Variants in MEOX1 observed in about 807,000 individuals in gnomAD.
MEOX1 encodes the protein homeobox protein MOX-1.
A neutral mutation model predicts 23.2 loss-of-function variants in MEOX1; 17 were observed. The ratio of observed to expected loss-of-function variants is 0.73; its 90% CI spans 0.50 to 1.10. The LOEUF is 1.10. MEOX1 is among the 50% of genes least tolerant of loss of function. The pLI is 0.00. For missense variants in MEOX1, 333 were observed against 332.2 expected, an observed-to-expected ratio of 1.00 and a Z score of -0.02; for synonymous variants, 134 against 135.1, an observed-to-expected ratio of 0.99 and a Z score of 0.06.
At chr17:43,646,438 T>C (rs993213281) in intron 1 of MEOX1, among the ~76,000 whole-genome samples, 3 of 152,162 alleles carry the variant, frequency 2.0e-5, no homozygotes, top group Admixed American at 1.3e-4. Context: ...GGGACTGGTT[T>C]CCCAATCTTC....
Position 43,641,729 on chromosome 17 carries a change from A to G in MEOX1, c.*181T>C. On this transcript the variant is annotated 3_prime_UTR_variant, in exon 3 of 3. Transcript: ENST00000318579. ...AGGGAAGAGGCTGCTAAGAGGCTGG[A>G]CAGAACTTCCTAGAAAATCCTAAGA... 1.6e-6 allele frequency: 1 copy of G among 613,100 alleles called. No homozygotes were observed. The highest frequency in any genetic ancestry group is 2.8e-6 in the Non-Finnish European group (1 of 360,982). 38.0% of individuals were successfully genotyped at this position (613,100 alleles called of 1,614,324 possible).
Position 43,647,465 on chromosome 17 carries a change from C to A in MEOX1, c.470-3805G>T, listed in dbSNP as rs376530582. 2.0e-4 allele frequency among the ~76,000 whole-genome samples: 31 copies of A among 152,282 alleles called. No individual in the cohort carries two copies. The East Asian group carries it at 5.6e-3, about 27-fold the overall frequency. On this transcript the variant is annotated intron_variant, in intron 1 of 2. Coordinates refer to ENST00000318579, the MANE Select transcript of MEOX1 (RefSeq NM_004527.4). ...TTAGGTGACAGAAGGGAGATTTGAA[C>A]CCAGATCCATCTGATTAGAGCCAAG... is the stretch of plus-strand genomic sequence containing the variant.
chr17:43,641,726 TG>T lies in MEOX1; in HGVS notation c.*183del. On this transcript the variant is annotated 3_prime_UTR_variant, in exon 3 of 3. Transcript: ENST00000318579. ...CCTAGGGAAGAGGCTGCTAAGAGGCTGGACAGAACTTCCTAGAAAATCCTAA... is the reference window on the plus strand; with the variant it reads ...CCTAGGGAAGAGGCTGCTAAGAGGCTGACAGAACTTCCTAGAAAATCCTAA... 1.7e-6 allele frequency: 1 copy of T among 598,126 alleles called. No homozygotes were observed. The highest frequency in any genetic ancestry group is 2.9e-6 in the Non-Finnish European group (1 of 349,368). The allele number at this position is 598,126 out of a possible 1,614,324, so 37.1% of individuals were successfully genotyped here. A position where few individuals can be genotyped will look rare whatever the true frequency, so the allele number is the denominator to read the frequency against.
chr17:43,656,688 G>A (rs1005228069), intron 1 of MEOX1, among the ~76,000 whole-genome samples: 3 of 152,100 alleles, frequency 2.0e-5, no homozygotes, highest in African/African-American at 4.8e-5. Context: ...TTTCCCAGGC[G>A]GGCGATCGGA....
chr17:43,660,399 A>G (rs1973114376), intron 1 of MEOX1, among the ~76,000 whole-genome samples: 1 of 152,172 alleles, frequency 6.6e-6, no homozygotes, highest in Admixed American at 6.5e-5. Flanking sequence ...CTGGGGGGTC[A>G]GCCAGATCTC....
intron 2 of MEOX1, 93 bp from the exon 3 acceptor site, chr17:43,642,125 G>T: frequency 2.2e-6 from 3 of 1,393,190 alleles, no homozygotes; most frequent in East Asian, 2.3e-5. Flanking sequence ...GTAACTCCAG[G>T]GACCCCAGCT....
intron 1 of MEOX1, among the ~76,000 whole-genome samples, chr17:43,651,416 AGGC>A (rs1972914610): frequency 6.6e-6 from 1 of 152,050 alleles, no homozygotes; most frequent in Non-Finnish European, 1.5e-5. Context: ...GGATGGGGAG[AGGC>A]ATGGGTAGTT....
chr17:43,648,263 A>G (rs1269892186), intron 1 of MEOX1, among the ~76,000 whole-genome samples: 1 of 151,988 alleles, frequency 6.6e-6, no homozygotes, highest in Non-Finnish European at 1.5e-5. Flanking sequence ...AGGTCAGGAG[A>G]TCGAGACCAT....
intron 1 of MEOX1, among the ~76,000 whole-genome samples, chr17:43,651,534 T>C (rs1422959476): frequency 6.8e-6 from 1 of 148,016 alleles, no homozygotes; most frequent in African/African-American, 2.6e-5. Flanking sequence ...TACCTCTGCA[T>C]GCAAGAAAAA....
intron 1 of MEOX1, among the ~76,000 whole-genome samples, chr17:43,644,245 A>G (rs750399226): frequency 3.3e-5 from 5 of 152,260 alleles, no homozygotes; most frequent in Non-Finnish European, 7.3e-5. Flanking sequence ...TGCCAGCAGC[A>G]TCAGTAGCAC....
chr17:43,658,429 C>T (rs1372270184), intron 1 of MEOX1, among the ~76,000 whole-genome samples: 1 of 151,604 alleles, frequency 6.6e-6, no homozygotes, highest in Non-Finnish European at 1.5e-5. Context: ...ATTGCTTGAA[C>T]CCAAGGGGCA....
chr17:43,645,058 G>A (rs1340960909), intron 1 of MEOX1, among the ~76,000 whole-genome samples: 1 of 152,118 alleles, frequency 6.6e-6, no homozygotes. Context: ...AGAGGAGGTG[G>A]GAAGAAGACC....
intron 1 of MEOX1, among the ~76,000 whole-genome samples, chr17:43,645,169 A>ATATTTTTTTTTTTTTTTTTT (rs1567742598): frequency 7.7e-6 from 1 of 129,714 alleles, no homozygotes; most frequent in Non-Finnish European, 1.6e-5. Flanking sequence ...TTCATTAATT[A>ATATTTTTTTTTTTTTTTTTT]TCTTTTTTTT....
chr17:43,657,359 G>A (rs972929763), intron 1 of MEOX1, among the ~76,000 whole-genome samples: 4 of 82,790 alleles, frequency 4.8e-5, no homozygotes, highest in African/African-American at 1.4e-4. Flanking sequence ...TTTTTTTTTT[G>A]TATTTTTAGT....
At chr17:43,648,297 G>A (rs1005502096) in intron 1 of MEOX1, among the ~76,000 whole-genome samples, 3 of 151,866 alleles carry the variant, frequency 2.0e-5, no homozygotes, top group South Asian at 2.1e-4. Flanking sequence ...GTGAAACCCC[G>A]TCTCTACTAA....
At chr17:43,660,341 T>G (rs1280701446) in intron 1 of MEOX1, among the ~76,000 whole-genome samples, 2 of 152,160 alleles carry the variant, frequency 1.3e-5, no homozygotes, top group African/African-American at 4.8e-5. Context: ...CCTCCCTGAC[T>G]CTCTCAGAGG....
At chr17:43,649,526 C>T (rs1308212461) in intron 1 of MEOX1, among the ~76,000 whole-genome samples, 1 of 152,108 alleles carries the variant, frequency 6.6e-6, no homozygotes. Context: ...AGGCTCGTCT[C>T]GAACTCCTGA....
intron 1 of MEOX1, among the ~76,000 whole-genome samples, chr17:43,646,253 G>T (rs1030411754): frequency 6.6e-6 from 1 of 152,136 alleles, no homozygotes; most frequent in East Asian, 1.9e-4. Flanking sequence ...GCGCAGCCCC[G>T]GGCCGGGGTC....
Position 43,641,871 on chromosome 17 carries a change from G to T in MEOX1, c.*39C>A. On this transcript the variant is annotated 3_prime_UTR_variant, in exon 3 of 3. Coordinates refer to ENST00000318579, the MANE Select transcript of MEOX1 (RefSeq NM_004527.4). ...GATTGGGGTGGGGGTAGTTGGGTAG[G>T]GGGCTCAGTCCTTAGTCATTTTTCC... The T allele has an allele frequency of 1.3e-6, 2 of 1,585,522 alleles. No homozygotes were observed. Among genetic ancestry groups the T allele is most frequent in the Middle Eastern group, 3.4e-4 (2 of 5,920 alleles).
Sources: allele counts gnomAD v4.1 joint callset (sites outside exome capture counted in the v4.1 genomes callset), GRCh38; gene constraint gnomAD v4.1.1; transcripts MANE v1.5; gene names NCBI Gene and HGNC (gene_info 2026-07-23, HGNC 2026-07-21).